POT1: variants seen among roughly 807,000 people sequenced by gnomAD.
POT1 encodes protection of telomeres 1.
Under a neutral mutation model 78.5 loss-of-function variants are expected in POT1, and 47 were observed. The observed-to-expected ratio is 0.60, with a 90% confidence interval of 0.47 to 0.76. POT1 has a LOEUF of 0.76. Ranked by LOEUF, POT1 falls within the 30% of genes least tolerant of loss-of-function variation. The pLI is 0.00. For synonymous variants in POT1, 259 were observed against 260.7 expected, an observed-to-expected ratio of 0.99 and a Z score of 0.06; for missense variants, 646 against 749.9, an observed-to-expected ratio of 0.86 and a Z score of 1.62.
At position 124,825,340 on chromosome 7, in the gene POT1, A is replaced by G. The variant is rs749834304; in HGVS notation, c.1704T>C (p.Ile568=). ...CATCCATCAGAACTTCTGATGCTGG[A>G]ATCTGGAAGAATTTGTCCTTAAAAA... ...YLMDSDKFFQ[I]PASEVLMDDD... The change falls in exon 18 of 19, where the codon ATT becomes ATC. Residue 568 remains isoleucine (I), a synonymous_variant. Coordinates refer to ENST00000357628, the MANE Select transcript of POT1 (RefSeq NM_015450.3). 5 of 1,605,418 alleles carry G rather than the reference A, an allele frequency of 3.1e-6. No homozygotes were observed. The East Asian group carries it at 1.1e-4, about 36-fold the overall frequency.
intron 4 of POT1, among the ~76,000 whole-genome samples, 180 bp downstream of exon 4, chr7:124,898,081 G>A (rs1796536702): frequency 6.6e-6 from 1 of 151,512 alleles, no homozygotes; most frequent in Non-Finnish European, 1.5e-5. Flanking sequence ...ATTCTATCTT[G>A]TCATTCGAAA....
intron 2 of POT1, among the ~76,000 whole-genome samples, chr7:124,922,012 A>C (rs1176527051): frequency 6.6e-6 from 1 of 152,090 alleles, no homozygotes; most frequent in Non-Finnish European, 1.5e-5. Flanking sequence ...CAACTGCTGA[A>C]ACTAAAAGAT....
intron 2 of POT1, among the ~76,000 whole-genome samples, chr7:124,926,213 A>G (rs1797268838): frequency 6.6e-6 from 1 of 152,190 alleles, no homozygotes; most frequent in Non-Finnish European, 1.5e-5. Context: ...ACAGAGGACT[A>G]ATATCCAGAA....
Position 124,835,226 on chromosome 7 carries a change from G to T in POT1, c.1505+53C>A, listed in dbSNP as rs144747246. On this transcript the variant is annotated intron_variant, in intron 15 of 18. Coordinates refer to ENST00000357628, the MANE Select transcript of POT1 (RefSeq NM_015450.3). Reference sequence around the variant, plus strand: ...CCTCCATGTTCAGCACATGACCCCAGAACTTAAAAGTATAATAAACAAAAC... The same window carrying T: ...CCTCCATGTTCAGCACATGACCCCATAACTTAAAAGTATAATAAACAAAAC... The T allele has an allele frequency of 2.1e-4, 339 of 1,589,006 alleles. 1 individual carries two copies. The East Asian group carries it at 7.4e-3, about 35-fold the overall frequency.
chr7:124,843,622 C>T (rs1156269459), intron 12 of POT1, among the ~76,000 whole-genome samples: 2 of 152,128 alleles, frequency 1.3e-5, no homozygotes, highest in African/African-American at 4.8e-5. Flanking sequence ...CAATAGGTCT[C>T]CTCAGCTACT....
chr7:124,869,534 C>T (rs1377367343), intron 7 of POT1, among the ~76,000 whole-genome samples: 2 of 151,838 alleles, frequency 1.3e-5, no homozygotes, highest in Admixed American at 6.6e-5. Flanking sequence ...AATTTTTTGA[C>T]GTTTAAATAA....
At chr7:124,905,849 A>C (rs1187986207) in intron 3 of POT1, among the ~76,000 whole-genome samples, 4 of 152,236 alleles carry the variant, frequency 2.6e-5, no homozygotes, top group Admixed American at 2.6e-4. Context: ...ACATTTGTCA[A>C]AAGAAGACAT....
At chr7:124,856,153 CAA>C (rs1214473344) in intron 9 of POT1, among the ~76,000 whole-genome samples, 5 of 152,050 alleles carry the variant, frequency 3.3e-5, no homozygotes, top group African/African-American at 4.8e-5. Context: ...TTCTATACAA[CAA>C]AAGTCTTTCG....
At chr7:124,899,332 C>T (rs762093265) in intron 3 of POT1, among the ~76,000 whole-genome samples, 134 of 152,220 alleles carry the variant, frequency 8.8e-4, no homozygotes, top group Non-Finnish European at 4.9e-4. Flanking sequence ...AATCTCTTGC[C>T]CTAACCAGGT....
At chr7:124,873,256 T>A (rs1795912488) in intron 6 of POT1, among the ~76,000 whole-genome samples, 1 of 152,192 alleles carries the variant, frequency 6.6e-6, no homozygotes, top group Non-Finnish European at 1.5e-5. Context: ...GCTCTTCCCC[T>A]ATGTTTTCTT....
intron 8 of POT1, among the ~76,000 whole-genome samples, chr7:124,861,435 CA>C (rs1795594221): frequency 6.6e-6 from 1 of 152,200 alleles, no homozygotes; most frequent in African/African-American, 2.4e-5. Context: ...ATCCTTTGCC[CA>C]CATTTTAATG....
chr7:124,918,154 T>G lies in POT1; in HGVS notation c.-226-2508A>C, dbSNP rs536900484. ...GCTGATTACTTCCAAATGCCATCCA[T>G]AACTAGGACAAATGGATTAGTAAAT... On this transcript the variant is annotated intron_variant, in intron 2 of 18. Coordinates refer to ENST00000357628, the MANE Select transcript of POT1 (RefSeq NM_015450.3). Among the ~76,000 whole-genome samples the G allele has an allele frequency of 7.2e-5, 11 of 152,286 alleles. No individual in the cohort carries two copies. The East Asian group carries it at 2.1e-3, about 29-fold the overall frequency.
At chr7:124,910,055 A>G (rs955807817) in intron 3 of POT1, among the ~76,000 whole-genome samples, 7 of 151,908 alleles carry the variant, frequency 4.6e-5, no homozygotes, top group African/African-American at 1.4e-4. Context: ...CCATGCCCAC[A>G]GACACACACA....
chr7:124,879,536 T>C (rs925824446), intron 6 of POT1, among the ~76,000 whole-genome samples: 3 of 152,138 alleles, frequency 2.0e-5, no homozygotes, highest in African/African-American at 7.2e-5. Context: ...TGGTTTTCTT[T>C]AGTTTTTGTT....
intron 9 of POT1, 49 bp downstream of exon 9, chr7:124,858,908 C>T (rs766298577): frequency 1.4e-6 from 2 of 1,419,174 alleles, no homozygotes; most frequent in South Asian, 2.9e-5. Context: ...GCAAAAATCA[C>T]TATAATTTAT....
rs750470470 is a variant in POT1, at chr7:124,842,898, G to GA, written c.1071dup (p.Gln358SerfsTer13). 5.0e-5 allele frequency: 81 copies of GA among 1,608,962 alleles called. No homozygotes were observed. Among genetic ancestry groups the GA allele is most frequent in the Non-Finnish European group, 6.6e-5 (78 of 1,178,110 alleles). ...AATTTTGCTCGGATGCGGTATTGTT[G>GA]AGGAGCTTTTTGTTTCAAAATGGCA... On this transcript the variant is annotated frameshift_variant, in exon 13 of 19. Coordinates refer to ENST00000357628, the MANE Select transcript of POT1 (RefSeq NM_015450.3). LOFTEE classifies it high-confidence loss of function.
At chr7:124,846,112 G>A (rs965029042) in intron 12 of POT1, among the ~76,000 whole-genome samples, 5 of 151,036 alleles carry the variant, frequency 3.3e-5, no homozygotes, top group South Asian at 2.1e-4. Flanking sequence ...CTGCCTCTAT[G>A]CTTTTTCATG....
intron 5 of POT1, among the ~76,000 whole-genome samples, chr7:124,896,674 A>G (rs1037018438): frequency 4.0e-5 from 6 of 151,794 alleles, no homozygotes; most frequent in African/African-American, 1.4e-4. Flanking sequence ...TCCTATTGCT[A>G]TAAGGAAGCT....
At chr7:124,904,733 AT>A (rs2116666985) in intron 3 of POT1, among the ~76,000 whole-genome samples, 1 of 152,346 alleles carries the variant, frequency 6.6e-6, no homozygotes, top group South Asian at 2.1e-4. Flanking sequence ...ACATGATTAT[AT>A]GTTTAGAAAA....
Sources: gnomAD v4.1 joint callset for allele counts (sites outside exome capture counted in the v4.1 genomes callset) on GRCh38, gnomAD v4.1.1 for gene constraint, MANE v1.5 for transcripts, NCBI Gene and HGNC (gene_info 2026-07-23, HGNC 2026-07-21) for gene names.